The following NR6A1 variants were observed in gnomAD, a reference collection of about 807,000 sequenced individuals.
NR6A1 encodes retinoic acid receptor-related testis-associated receptor.
NR6A1 carries 7 observed loss-of-function variants against 59.1 expected under a neutral mutation model. The ratio of observed to expected loss-of-function variants is 0.12; its 90% CI spans 0.07 to 0.22. The LOEUF (loss-of-function observed/expected upper bound fraction) is 0.22. Among genes scored for constraint, NR6A1 ranks in the 10% least tolerant of loss-of-function variants. The pLI, the probability that NR6A1 is intolerant of heterozygous loss-of-function variation, is 1.00. For synonymous variants in NR6A1, 243 were observed against 236.1 expected (o/e 1.03, Z -0.27); for missense variants, 468 against 611.6 (o/e 0.77, Z 2.48).
intron 1 of NR6A1, among the ~76,000 whole-genome samples, chr9:124,755,124 G>GT (rs1471182345): frequency 1.3e-5 from 2 of 152,122 alleles, no homozygotes; most frequent in Non-Finnish European, 2.9e-5. Context: ...CATTACTACA[G>GT]TAACTCCTTT....
intron 8 of NR6A1, 103 bp downstream of exon 8, chr9:124,526,675 CT>C: frequency 6.6e-7 from 1 of 1,513,032 alleles, no homozygotes; most frequent in Non-Finnish European, 9.0e-7. Flanking sequence ...GTGATGGATT[CT>C]GTGTGATAGT....
chr9:124,759,830 A>G (rs1403659275), intron 1 of NR6A1, among the ~76,000 whole-genome samples: 1 of 152,188 alleles, frequency 6.6e-6, no homozygotes, highest in Non-Finnish European at 1.5e-5. Flanking sequence ...TCATGAGATC[A>G]GGAGTTCGAG....
In NR6A1 at chr9:124,554,381, C is replaced by T; in HGVS notation, c.332G>A (p.Arg111Lys). The T allele has an allele frequency of 1.2e-6, 2 of 1,614,200 alleles. No individual in the cohort carries two copies. The highest frequency in any genetic ancestry group is 3.3e-5 in the Admixed American group (2 of 60,028). ...NCVMSRKQRN[R>K]CQYCRLLKCL... ...TTTGAGCAGGCGGCAGTACTGGCAC[C>T]TGTTCCTCTGCTTCCGAGACATGAC... Residue 111 changes from arginine to lysine, a missense_variant, in exon 3 of 10, where the codon AGG (arginine) becomes AAG (lysine). Arg to Lys is a conservative substitution (Grantham distance 26). Transcript: ENST00000487099.
chr9:124,644,494 C>T (rs975194522), intron 2 of NR6A1, among the ~76,000 whole-genome samples: 53 of 152,026 alleles, frequency 3.5e-4, no homozygotes, highest in Non-Finnish European at 6.8e-4. Flanking sequence ...TCAGGTGATC[C>T]GCCCGCCTCA....
At chr9:124,747,673 G>A (rs1306443524) in intron 1 of NR6A1, among the ~76,000 whole-genome samples, 1 of 151,940 alleles carries the variant, frequency 6.6e-6, no homozygotes, top group Non-Finnish European at 1.5e-5. Flanking sequence ...CTTCACTCAG[G>A]TTCCAGGTAC....
chr9:124,593,271 G>C (rs376423154), intron 2 of NR6A1, among the ~76,000 whole-genome samples: 3 of 152,114 alleles, frequency 2.0e-5, no homozygotes, highest in Non-Finnish European at 4.4e-5. Context: ...TTGAAGTTTC[G>C]AGAGCCAATA....
Position 124,771,145 on chromosome 9 carries a change from G to A in NR6A1, c.-26C>T. 4.2e-6 allele frequency: 5 copies of A among 1,184,490 alleles called. No homozygotes were observed. Among genetic ancestry groups the A allele is most frequent in the East Asian group, 3.2e-5 (1 of 31,380 alleles). The allele number at this position is 1,184,490 out of a possible 1,614,324, so 73.4% of individuals were successfully genotyped here. A position where few individuals can be genotyped will look rare whatever the true frequency, so the allele number is the denominator to read the frequency against. The stretch of plus-strand genomic sequence containing the variant: ...GCGGTGGTGCCTAGGGTCCGCGCCG[G>A]GTTTGTTGCTCCGCCATGACCGGCG... On this transcript the variant is annotated 5_prime_UTR_variant, in exon 1 of 10. Coordinates refer to ENST00000487099, the MANE Select transcript of NR6A1 (RefSeq NM_033334.4).
chr9:124,740,964 C>T (rs1413757542), intron 1 of NR6A1, among the ~76,000 whole-genome samples: 1 of 152,160 alleles, frequency 6.6e-6, no homozygotes, highest in African/African-American at 2.4e-5. Flanking sequence ...AGCTACAATG[C>T]CACTACAATG....
At chr9:124,759,976 G>T (rs1359061575) in intron 1 of NR6A1, among the ~76,000 whole-genome samples, 1 of 151,116 alleles carries the variant, frequency 6.6e-6, no homozygotes, top group Admixed American at 6.6e-5. Flanking sequence ...GGAGGTAGAG[G>T]TTGCACTGAG....
intron 2 of NR6A1, among the ~76,000 whole-genome samples, chr9:124,704,603 G>C (rs1262793567): frequency 6.6e-6 from 1 of 152,100 alleles, no homozygotes; most frequent in Non-Finnish European, 1.5e-5. Context: ...TCTTACAATG[G>C]ACGCTTACGT....
Position 124,552,328 on chromosome 9 carries a change from A to G in NR6A1, c.385+2000T>C, listed in dbSNP as rs1833803139. ...GTATTGGTGGCTGGAAAAGATTTCA[A>G]TAAGAGGAAACTGACAGTGGGGAAG... On this transcript the variant is annotated intron_variant, in intron 3 of 9. Transcript: ENST00000487099. Among the ~76,000 whole-genome samples, 6 of 152,302 alleles carry G rather than the reference A, an allele frequency of 3.9e-5. No individual in the cohort carries two copies. In the South Asian group the frequency reaches 1.2e-3, roughly 32 times the overall value.
chr9:124,601,046 C>T (rs1231228852), intron 2 of NR6A1, among the ~76,000 whole-genome samples: 1 of 150,476 alleles, frequency 6.6e-6, no homozygotes, highest in Non-Finnish European at 1.5e-5. Context: ...GAGGCCAAGG[C>T]GGGTGGATTA....
At chr9:124,532,112 C>T (rs1225669452) in intron 7 of NR6A1, among the ~76,000 whole-genome samples, 1 of 152,218 alleles carries the variant, frequency 6.6e-6, no homozygotes, top group African/African-American at 2.4e-5. Flanking sequence ...ACCTTCATGA[C>T]CTGTCTTGCC....
Position 124,518,400 on chromosome 9 carries a change from A to C in NR6A1, c.*4305T>G, listed in dbSNP as rs1048474912. The C allele has an allele frequency of 3.3e-5, 5 of 151,774 alleles. No individual in the cohort carries two copies. Among genetic ancestry groups the C allele is most frequent in the Non-Finnish European group, 5.9e-5 (4 of 67,980 alleles). The allele number at this position is 151,774 out of a possible 1,614,324, so 9.4% of individuals were successfully genotyped here. ...CTCTCTGGAGTTCCCGCCTTGGAGG[A>C]AACAGTTCAGGTATGGCTCCCAAGC... On this transcript the variant is annotated 3_prime_UTR_variant, in exon 10 of 10. Coordinates refer to ENST00000487099, the MANE Select transcript of NR6A1 (RefSeq NM_033334.4).
At chr9:124,704,912 T>C (rs1370978475) in intron 2 of NR6A1, among the ~76,000 whole-genome samples, 3 of 152,174 alleles carry the variant, frequency 2.0e-5, no homozygotes, top group African/African-American at 4.8e-5. Flanking sequence ...ATTTCTGGTA[T>C]GTTTTTGGAG....
intron 2 of NR6A1, among the ~76,000 whole-genome samples, chr9:124,697,105 G>A (rs755443629): frequency 3.3e-5 from 5 of 152,170 alleles, no homozygotes; most frequent in Non-Finnish European, 2.9e-5. Context: ...AGCCTGGAGT[G>A]TACTAAGAAA....
intron 2 of NR6A1, among the ~76,000 whole-genome samples, chr9:124,687,291 A>ATTATTTATTTATTTAT (rs142524533): frequency 0.019 from 2,647 of 142,150 alleles, 90 homozygotes; most frequent in African/African-American, 0.063. Flanking sequence ...CAGCTAATTA[A>ATTATTTATTTATTTAT]TTATTTATTT....
chr9:124,561,055 A>G (rs1266259281), intron 2 of NR6A1, among the ~76,000 whole-genome samples: 1 of 152,148 alleles, frequency 6.6e-6, no homozygotes, highest in Non-Finnish European at 1.5e-5. Context: ...GCACTTTGTA[A>G]GAGTGAGCAC....
intron 2 of NR6A1, among the ~76,000 whole-genome samples, chr9:124,578,209 T>A (rs1348758511): frequency 6.6e-6 from 1 of 152,176 alleles, no homozygotes; most frequent in Admixed American, 6.5e-5. Context: ...TATTCTCTCT[T>A]TAGGTGACTT....
Sources: gnomAD v4.1 joint callset for allele counts (sites outside exome capture counted in the v4.1 genomes callset) on GRCh38, gnomAD v4.1.1 for gene constraint, MANE v1.5 for transcripts, NCBI Gene and HGNC (gene_info 2026-07-23, HGNC 2026-07-21) for gene names.